Variants in ZBTB20 observed in about 807,000 individuals in gnomAD.
The protein encoded by ZBTB20 is zinc finger and BTB domain containing 20, also known as zinc finger and BTB domain-containing protein 20.
A neutral mutation model predicts 56.9 loss-of-function variants in ZBTB20; 9 were observed. The observed-to-expected ratio is 0.16, with a 90% CI of 0.10 to 0.28. The LOEUF is 0.28. Ranked by LOEUF, ZBTB20 falls within the 10% of genes least tolerant of loss-of-function variation. ZBTB20 has a pLI of 1.00. For synonymous variants in ZBTB20, 417 were observed against 420.7 expected, an observed-to-expected ratio of 0.99 and a Z score of 0.11; for missense variants, 655 against 1,003.0, an observed-to-expected ratio of 0.65 and a Z score of 4.69.
intron 4 of ZBTB20, among the ~76,000 whole-genome samples, chr3:114,805,950 C>G (rs573796283): frequency 1.3e-5 from 2 of 151,900 alleles, no homozygotes; most frequent in South Asian, 4.2e-4. Flanking sequence ...CTGATGAATA[C>G]TATTCCACTG....
intron 1 of ZBTB20, among the ~76,000 whole-genome samples, chr3:115,086,975 C>CA (rs2083008464): frequency 6.6e-6 from 1 of 151,780 alleles, no homozygotes; most frequent in African/African-American, 2.4e-5. Context: ...TTTATCATAT[C>CA]AGTGAGAAGT....
chr3:114,353,483 A>T (rs1160930339), intron 10 of ZBTB20, among the ~76,000 whole-genome samples: 1 of 152,234 alleles, frequency 6.6e-6, no homozygotes, highest in African/African-American at 2.4e-5. Flanking sequence ...TTCTGACTCT[A>T]TCAGGTCTGT....
intron 6 of ZBTB20, among the ~76,000 whole-genome samples, chr3:114,678,465 A>C (rs530248455): frequency 2.0e-4 from 30 of 152,230 alleles, no homozygotes; most frequent in African/African-American, 7.2e-4. Context: ...TACTGCCTTC[A>C]CCTCCACACT....
At chr3:114,553,487 C>T (rs973973038) in intron 6 of ZBTB20, among the ~76,000 whole-genome samples, 8 of 152,108 alleles carry the variant, frequency 5.3e-5, no homozygotes, top group African/African-American at 1.9e-4. Flanking sequence ...TACAAGTATA[C>T]TGGGCTTTCC....
At chr3:114,496,271 G>A (rs2043271618) in intron 7 of ZBTB20, among the ~76,000 whole-genome samples, 1 of 152,230 alleles carries the variant, frequency 6.6e-6, no homozygotes, top group Non-Finnish European at 1.5e-5. Flanking sequence ...AAGACTGGCA[G>A]TAGGTTGGCT....
chr3:114,578,857 A>G (rs1293491798), intron 6 of ZBTB20, among the ~76,000 whole-genome samples: 2 of 151,812 alleles, frequency 1.3e-5, no homozygotes, highest in Non-Finnish European at 3.0e-5. Context: ...AATGGTAGGC[A>G]TAGTAATATC....
At chr3:114,428,018 G>A (rs527780851) in intron 7 of ZBTB20, among the ~76,000 whole-genome samples, 24 of 152,278 alleles carry the variant, frequency 1.6e-4, no homozygotes, top group African/African-American at 5.5e-4. Context: ...GGCATCTGTC[G>A]TAATAGAAAC....
At chr3:114,635,748 G>A (rs1303339548) in intron 6 of ZBTB20, among the ~76,000 whole-genome samples, 1 of 151,798 alleles carries the variant, frequency 6.6e-6, no homozygotes, top group Non-Finnish European at 1.5e-5. Context: ...AAATTATGTA[G>A]TCAGGAGCAC....
intron 1 of ZBTB20, among the ~76,000 whole-genome samples, chr3:115,099,433 T>C (rs947914981): frequency 6.6e-6 from 1 of 152,190 alleles, no homozygotes; most frequent in Non-Finnish European, 1.5e-5. Context: ...CAAAGTGATA[T>C]TCCTATAAAT....
rs536642721 is a variant in ZBTB20 at position 114,357,255 on chromosome 3, T to C, written c.200-5377A>G. The C allele has an allele frequency of 2.0e-5, 3 of 152,348 alleles. No individual in the cohort carries two copies. In the East Asian group the frequency reaches 5.8e-4, roughly 29 times the overall value. 9.4% of individuals were successfully genotyped at this position (152,348 alleles called of 1,614,324 possible). On this transcript the variant is annotated intron_variant, in intron 10 of 11. Transcript: ENST00000675478. The stretch of plus-strand genomic sequence containing the variant: ...AACAGAATTCTTCACATAAAACATA[T>C]ATCAATTGTTGAAATTTGCAGAAAT...
At chr3:114,446,363 G>A (rs2091271435) in intron 7 of ZBTB20, among the ~76,000 whole-genome samples, 1 of 152,092 alleles carries the variant, frequency 6.6e-6, no homozygotes, top group Non-Finnish European at 1.5e-5. Flanking sequence ...CAGCACAAAT[G>A]TTATTCTCAT....
At chr3:114,727,842 A>G (rs1490253657) in intron 5 of ZBTB20, among the ~76,000 whole-genome samples, 1 of 152,190 alleles carries the variant, frequency 6.6e-6, no homozygotes, top group Non-Finnish European at 1.5e-5. Context: ...AAGTATAATT[A>G]ATAATAATAA....
intron 3 of ZBTB20, among the ~76,000 whole-genome samples, chr3:114,974,125 A>C (rs1224363789): frequency 6.6e-6 from 1 of 151,958 alleles, no homozygotes; most frequent in Non-Finnish European, 1.5e-5. Context: ...AAGGAACAAG[A>C]GTTAGAGCAA....
intron 7 of ZBTB20, among the ~76,000 whole-genome samples, chr3:114,487,935 TC>T (rs2042315778): frequency 1.3e-5 from 2 of 152,208 alleles, no homozygotes; most frequent in South Asian, 4.1e-4. Context: ...ATAATGTCAA[TC>T]CTGCCCTGGA....
chr3:115,060,275 A>C (rs550950622), intron 2 of ZBTB20, among the ~76,000 whole-genome samples: 1 of 152,226 alleles, frequency 6.6e-6, no homozygotes, highest in Non-Finnish European at 1.5e-5. Flanking sequence ...ATGTCCATGT[A>C]GAAATAATAA....
chr3:114,488,745 T>C (rs550865554), intron 7 of ZBTB20, among the ~76,000 whole-genome samples: 3 of 152,348 alleles, frequency 2.0e-5, no homozygotes, highest in Admixed American at 6.5e-5. Flanking sequence ...TACAAACATG[T>C]GTACATATGC....
At position 114,316,844 on chromosome 3, in the gene ZBTB20, T is replaced by C. The variant is rs2078703109; in HGVS notation, c.*22161A>G. On this transcript the variant is annotated 3_prime_UTR_variant, in exon 12 of 12. Coordinates refer to ENST00000675478, the MANE Select transcript of ZBTB20 (RefSeq NM_001348800.3). The stretch of plus-strand genomic sequence containing the variant: ...CTCGTGCCTGAGTGATTAATGGACA[T>C]TCTGGACTCCGGGCACCTTAGCAGC... 8.6e-6 allele frequency: 2 copies of C among 233,328 alleles called. No individual in the cohort carries two copies. The highest frequency in any genetic ancestry group is 2.4e-5 in the African/African-American group (1 of 42,232). 14.5% of individuals were successfully genotyped at this position (233,328 alleles called of 1,614,324 possible). A position where few individuals can be genotyped will look rare whatever the true frequency, so the allele number is the denominator to read the frequency against.
intron 6 of ZBTB20, among the ~76,000 whole-genome samples, chr3:114,609,441 A>T (rs1011553238): frequency 1.3e-5 from 2 of 152,216 alleles, no homozygotes; most frequent in Non-Finnish European, 2.9e-5. Context: ...GCCTAGATTA[A>T]AAACACAAGC....
At chr3:114,838,000 G>A (rs2074202203) in intron 4 of ZBTB20, among the ~76,000 whole-genome samples, 1 of 152,182 alleles carries the variant, frequency 6.6e-6, no homozygotes, top group Non-Finnish European at 1.5e-5. Context: ...CTCAAGTAGT[G>A]ACATTCAAAC....
Sources: gnomAD v4.1 joint callset for allele counts (sites outside exome capture counted in the v4.1 genomes callset) on GRCh38, gnomAD v4.1.1 for gene constraint, MANE v1.5 for transcripts, NCBI Gene and HGNC (gene_info 2026-07-23, HGNC 2026-07-21) for gene names.